The following CNTNAP2 variants were observed in gnomAD, a reference collection of about 807,000 sequenced individuals.
CNTNAP2 encodes the protein contactin-associated protein-like 2.
Under a neutral mutation model 155.2 loss-of-function variants are expected in CNTNAP2, and 98 were observed. The ratio of observed to expected loss-of-function variants is 0.63; its 90% confidence interval spans 0.54 to 0.75. The LOEUF (loss-of-function observed/expected upper bound fraction) is 0.75. CNTNAP2 is among the 30% of genes least tolerant of loss of function. The pLI is 0.00. For synonymous variants in CNTNAP2, 651 were observed against 631.2 expected (o/e 1.03, Z -0.47); for missense variants, 1,727 against 1,688.1 (o/e 1.02, Z -0.40).
chr7:147,651,659 G>A (rs1402936006), intron 13 of CNTNAP2, among the ~76,000 whole-genome samples: 1 of 152,166 alleles, frequency 6.6e-6, no homozygotes, highest in Admixed American at 6.6e-5. Flanking sequence ...TTGGTTGAGT[G>A]TCAAATTGCC....
intron 23 of CNTNAP2, among the ~76,000 whole-genome samples, chr7:148,413,778 ATTATGTC>A (rs992426686): frequency 1.8e-4 from 27 of 152,256 alleles, no homozygotes; most frequent in Admixed American, 3.9e-4. Context: ...CATTAGGAAC[ATTATGTC>A]TTCCTGATGA....
At chr7:147,307,970 T>C (rs372729678) in intron 9 of CNTNAP2, among the ~76,000 whole-genome samples, 2 of 152,168 alleles carry the variant, frequency 1.3e-5, no homozygotes, top group African/African-American at 4.8e-5. Context: ...CTAGGCCAGA[T>C]AGTAAACCAA....
rs115114254 is a variant in CNTNAP2, at chr7:146,845,436, A to G, written c.402+5532A>G. Among the ~76,000 whole-genome samples the G allele has an allele frequency of 4.5e-3, 682 of 152,296 alleles. 3 individuals carry two copies. The highest frequency in any genetic ancestry group is 0.016 in the African/African-American group (649 of 41,578). ...AAATCCTAATCTGAGAAGTAGATAT[A>G]ATTCCTATTGGGATATTTAAGTGAG... is the stretch of plus-strand genomic sequence containing the variant. On this transcript the variant is annotated intron_variant, in intron 3 of 23. Transcript: ENST00000361727.
intron 10 of CNTNAP2, among the ~76,000 whole-genome samples, chr7:147,482,781 C>T (rs1798445749): frequency 6.6e-6 from 1 of 151,690 alleles, no homozygotes; most frequent in South Asian, 2.1e-4. Flanking sequence ...GGCTGTGGCT[C>T]ATGCCTGTAA....
intron 14 of CNTNAP2, among the ~76,000 whole-genome samples, chr7:147,930,839 G>C (rs1448493573): frequency 2.6e-5 from 4 of 151,984 alleles, no homozygotes; most frequent in African/African-American, 4.8e-5. Flanking sequence ...ATCATACCAG[G>C]TATCTTTTCT....
At chr7:146,513,718 C>T (rs1797500821) in intron 1 of CNTNAP2, among the ~76,000 whole-genome samples, 1 of 151,932 alleles carries the variant, frequency 6.6e-6, no homozygotes, top group African/African-American at 2.4e-5. Flanking sequence ...GAGTGGTTTT[C>T]ACATTGCAAT....
intron 15 of CNTNAP2, among the ~76,000 whole-genome samples, chr7:148,006,475 A>G (rs1024703691): frequency 1.3e-5 from 2 of 151,686 alleles, no homozygotes; most frequent in African/African-American, 4.8e-5. Flanking sequence ...ATGCGCCACC[A>G]CGCCTGGCTA....
intron 13 of CNTNAP2, among the ~76,000 whole-genome samples, chr7:147,641,519 C>T (rs1464630928): frequency 6.6e-6 from 1 of 152,126 alleles, no homozygotes; most frequent in Non-Finnish European, 1.5e-5. Flanking sequence ...TCAGGTGGTG[C>T]TTGAGAATTT....
intron 2 of CNTNAP2, among the ~76,000 whole-genome samples, chr7:146,823,934 A>G (rs185312975): frequency 0.013 from 2,003 of 152,150 alleles, 30 homozygotes; most frequent in Middle Eastern, 0.027. Flanking sequence ...GGTTTATTAC[A>G]TAGGTACATG....
intron 13 of CNTNAP2, among the ~76,000 whole-genome samples, chr7:147,750,161 T>C (rs1797110689): frequency 6.6e-6 from 1 of 152,236 alleles, no homozygotes; most frequent in African/African-American, 2.4e-5. Flanking sequence ...ATCTTGTCTG[T>C]GACTGAGTTC....
chr7:147,022,787 T>C (rs1280036038), intron 3 of CNTNAP2, among the ~76,000 whole-genome samples: 1 of 152,148 alleles, frequency 6.6e-6, no homozygotes, highest in Non-Finnish European at 1.5e-5. Flanking sequence ...CCAAAGTATT[T>C]TTTTCCTTCA....
intron 14 of CNTNAP2, among the ~76,000 whole-genome samples, chr7:147,933,984 C>G (rs1284969163): frequency 1.3e-5 from 2 of 152,142 alleles, no homozygotes; most frequent in Non-Finnish European, 2.9e-5. Context: ...TGCATGATTC[C>G]ATTTATGTGA....
At chr7:146,975,579 G>A (rs1388948684) in intron 3 of CNTNAP2, among the ~76,000 whole-genome samples, 3 of 152,170 alleles carry the variant, frequency 2.0e-5, no homozygotes, top group Admixed American at 6.5e-5. Flanking sequence ...GTTCGGGATT[G>A]TAATCAGGGT....
At chr7:146,562,841 T>G (rs1206687765) in intron 1 of CNTNAP2, among the ~76,000 whole-genome samples, 1 of 152,112 alleles carries the variant, frequency 6.6e-6, no homozygotes, top group Non-Finnish European at 1.5e-5. Flanking sequence ...AAACTAAAAC[T>G]TCAAATTAGG....
intron 1 of CNTNAP2, among the ~76,000 whole-genome samples, chr7:146,267,789 C>T (rs1800018755): frequency 6.6e-6 from 1 of 152,138 alleles, no homozygotes; most frequent in Admixed American, 6.5e-5. Context: ...TATAGTAGCA[C>T]TAATGGACTA....
intron 8 of CNTNAP2, among the ~76,000 whole-genome samples, chr7:147,145,125 A>G (rs1801675359): frequency 6.6e-6 from 1 of 152,150 alleles, no homozygotes; most frequent in Non-Finnish European, 1.5e-5. Context: ...AAACATTTGC[A>G]TATTAACTGT....
At chr7:146,219,684 T>C (rs1270400472) in intron 1 of CNTNAP2, among the ~76,000 whole-genome samples, 1 of 152,152 alleles carries the variant, frequency 6.6e-6, no homozygotes, top group Non-Finnish European at 1.5e-5. Context: ...AGCAATACCT[T>C]TGCATGATTT....
At chr7:146,542,187 G>C (rs1378169757) in intron 1 of CNTNAP2, among the ~76,000 whole-genome samples, 1 of 151,854 alleles carries the variant, frequency 6.6e-6, no homozygotes, top group Non-Finnish European at 1.5e-5. Flanking sequence ...TTGATGGGGA[G>C]CTCTGGCAAA....
chr7:147,211,641 A>C (rs58832690), intron 8 of CNTNAP2, among the ~76,000 whole-genome samples: 3 of 152,124 alleles, frequency 2.0e-5, no homozygotes, highest in Non-Finnish European at 4.4e-5. Context: ...TTCACCATAT[A>C]CAAAAGTTAA....
Sources: allele counts gnomAD v4.1 joint callset (sites outside exome capture counted in the v4.1 genomes callset), GRCh38; gene constraint gnomAD v4.1.1; transcripts MANE v1.5; gene names NCBI Gene and HGNC (gene_info 2026-07-23, HGNC 2026-07-21).